The following DNAH14 variants were observed in gnomAD, a reference collection of about 807,000 sequenced individuals.
The protein encoded by DNAH14 is dynein axonemal heavy chain 14.
Under a neutral mutation model 520.9 loss-of-function variants are expected in DNAH14, and 478 were observed. The ratio of observed to expected loss-of-function variants is 0.92; its 90% CI spans 0.85 to 0.99. The LOEUF (loss-of-function observed/expected upper bound fraction) is 0.99, where lower values mean the gene tolerates loss of function less well. Among genes scored for constraint, DNAH14 ranks in the 50% least tolerant of loss-of-function variants. DNAH14 has a pLI of 0.00. For synonymous variants in DNAH14, 1,581 were observed against 1,757.2 expected (o/e 0.90, Z 2.51); for missense variants, 4,831 against 5,234.5 (o/e 0.92, Z 2.38).
chr1:225,396,154 A>C (rs1489578826), intron 84 of DNAH14: 1 of 152,144 alleles, frequency 6.6e-6, no homozygotes, highest in Non-Finnish European at 1.5e-5. Flanking sequence ...CTTTAGGAGA[A>C]ATCAGGTGAC....
At chr1:225,313,428 G>A (rs182068404) in intron 60 of DNAH14, among the ~76,000 whole-genome samples, 13 of 152,164 alleles carry the variant, frequency 8.5e-5, no homozygotes, top group East Asian at 1.9e-4. Flanking sequence ...GTTTTCTTGC[G>A]TCTCTATCTC....
intron 41 of DNAH14, among the ~76,000 whole-genome samples, chr1:225,230,172 G>A (rs1479309755): frequency 6.6e-6 from 1 of 152,032 alleles, no homozygotes. Context: ...ATTCATAGCA[G>A]AATTACTTAT....
At chr1:224,967,959 T>G in intron 6 of DNAH14, 1 of 1,147,994 alleles carries the variant, frequency 8.7e-7, no homozygotes, top group Non-Finnish European at 1.1e-6. Flanking sequence ...GATGTAGAAA[T>G]CCCCCTTTTA....
intron 83 of DNAH14, among the ~76,000 whole-genome samples, chr1:225,390,738 T>A (rs1386401669): frequency 6.6e-6 from 1 of 152,154 alleles, no homozygotes; most frequent in Non-Finnish European, 1.5e-5. Flanking sequence ...CTGGGTGCCA[T>A]GCAGTGTTCT....
intron 54 of DNAH14, among the ~76,000 whole-genome samples, chr1:225,279,665 TATTA>T (rs1454671486): frequency 6.6e-6 from 1 of 152,116 alleles, no homozygotes; most frequent in African/African-American, 2.4e-5. Context: ...AGAAAACTAA[TATTA>T]ATTAGTATTT....
chr1:224,970,666 C>G (rs1572140960), intron 7 of DNAH14, among the ~76,000 whole-genome samples: 1 of 152,042 alleles, frequency 6.6e-6, no homozygotes, highest in Non-Finnish European at 1.5e-5. Flanking sequence ...AGAAAAGAAC[C>G]TACGTGAAAT....
At chr1:225,047,616 T>C (rs1317219374) in intron 15 of DNAH14, among the ~76,000 whole-genome samples, 1 of 152,192 alleles carries the variant, frequency 6.6e-6, no homozygotes, top group Non-Finnish European at 1.5e-5. Flanking sequence ...TGAAATTGCC[T>C]AAGGACACAC....
At chr1:225,171,095 G>T (rs2082591948) in intron 36 of DNAH14, among the ~76,000 whole-genome samples, 1 of 152,194 alleles carries the variant, frequency 6.6e-6, no homozygotes, top group African/African-American at 2.4e-5. Context: ...CAGCATACCA[G>T]AGTCTCTGGG....
chr1:225,386,720 A>C (rs1478728438), intron 81 of DNAH14, among the ~76,000 whole-genome samples: 2 of 152,256 alleles, frequency 1.3e-5, no homozygotes, highest in Non-Finnish European at 2.9e-5. Flanking sequence ...ATCATTAAAA[A>C]GTCAGGAAAC....
chr1:225,054,474 A>G (rs996304263), intron 17 of DNAH14, among the ~76,000 whole-genome samples: 1 of 152,204 alleles, frequency 6.6e-6, no homozygotes, highest in African/African-American at 2.4e-5. Context: ...TCATTATAAT[A>G]CTGTCTATAA....
At chr1:224,936,385 CACT>C (rs113965143) in intron 1 of DNAH14, among the ~76,000 whole-genome samples, 14,519 of 151,534 alleles carry the variant, frequency 0.096, 2,228 homozygotes, top group African/African-American at 0.33. Context: ...GAAAAGGAGA[CACT>C]ACAACTGATA....
intron 81 of DNAH14, among the ~76,000 whole-genome samples, chr1:225,387,538 A>T (rs2095856266): frequency 6.6e-6 from 1 of 152,174 alleles, no homozygotes; most frequent in Admixed American, 6.5e-5. Flanking sequence ...AAGGGATTCC[A>T]GGCAACACCA....
chr1:225,010,107 C>G (rs2064581179), intron 10 of DNAH14, among the ~76,000 whole-genome samples: 1 of 152,074 alleles, frequency 6.6e-6, no homozygotes, highest in East Asian at 1.9e-4. Flanking sequence ...GCCTGATTGC[C>G]CTAGCCAGAA....
rs760829798 is a variant in DNAH14, at chr1:225,364,790, A to C, written c.11988-2A>C. 2.0e-6 allele frequency: 3 copies of C among 1,512,650 alleles called. No individual in the cohort carries two copies. Among genetic ancestry groups the C allele is most frequent in the South Asian group, 2.6e-5 (2 of 75,852 alleles). The allele number at this position is 1,512,650 out of a possible 1,614,324, so 93.7% of individuals were successfully genotyped here. On this transcript the variant is annotated splice_acceptor_variant, in intron 75 of 85. Transcript: ENST00000682510. LOFTEE classifies it high-confidence loss of function. Reference sequence around the variant, plus strand: ...AATATTTATAAATTTTTTATTTTGCAGTTTTAATAGTCCAAACGTGACAAT... The same window carrying C: ...AATATTTATAAATTTTTTATTTTGCCGTTTTAATAGTCCAAACGTGACAAT...
intron 75 of DNAH14, among the ~76,000 whole-genome samples, chr1:225,362,801 GA>G (rs2095507965): frequency 6.6e-6 from 1 of 151,746 alleles, no homozygotes; most frequent in South Asian, 2.1e-4. Flanking sequence ...AAAATGTGAA[GA>G]AAAAAACATT....
chr1:225,010,229 G>T (rs2064595764), intron 10 of DNAH14, among the ~76,000 whole-genome samples: 1 of 152,104 alleles, frequency 6.6e-6, no homozygotes, highest in Non-Finnish European at 1.5e-5. Flanking sequence ...TTGACTGTGG[G>T]TTTGTCATAA....
intron 69 of DNAH14, among the ~76,000 whole-genome samples, chr1:225,342,390 G>A (rs1324257099): frequency 2.0e-5 from 3 of 152,086 alleles, no homozygotes; most frequent in Non-Finnish European, 4.4e-5. Context: ...AAATCAGAAA[G>A]TGGAAGGAAA....
At chr1:224,962,667 A>C (rs59279645) in intron 4 of DNAH14, among the ~76,000 whole-genome samples, 5,438 of 152,204 alleles carry the variant, frequency 0.036, 308 homozygotes, top group African/African-American at 0.12. Context: ...ACCCAGCCAA[A>C]ATTTGCCAGA....
intron 17 of DNAH14, among the ~76,000 whole-genome samples, chr1:225,057,092 G>T (rs538308672): frequency 5.9e-5 from 9 of 152,306 alleles, no homozygotes; most frequent in African/African-American, 9.6e-5. Flanking sequence ...GCTTGATGGG[G>T]ATGGCATTGA....
Sources: allele counts gnomAD v4.1 joint callset (sites outside exome capture counted in the v4.1 genomes callset), GRCh38; gene constraint gnomAD v4.1.1; transcripts MANE v1.5; gene names NCBI Gene and HGNC (gene_info 2026-07-23, HGNC 2026-07-21).